Variants in GTF2H5 observed in about 807,000 individuals in gnomAD.
The protein encoded by GTF2H5 is general transcription factor IIH subunit 5, also known as TFB5 ortholog.
A neutral mutation model predicts 7.1 loss-of-function variants in GTF2H5; 5 were observed. The observed-to-expected ratio is 0.71, with a 90% confidence interval of 0.37 to 1.49. GTF2H5 has a LOEUF of 1.49. GTF2H5 is among the 40% of genes most tolerant of loss of function. The pLI is 0.03. For synonymous variants in GTF2H5, 30 were observed against 31.7 expected (o/e 0.95, Z 0.18); for missense variants, 80 against 83.0 (o/e 0.96, Z 0.14).
intron 2 of GTF2H5, among the ~76,000 whole-genome samples, chr6:158,177,407 A>G (rs1048447529): frequency 2.0e-5 from 3 of 152,188 alleles, no homozygotes; most frequent in Non-Finnish European, 4.4e-5. Context: ...TTTATCCACA[A>G]ATGCAAGGGA....
At chr6:158,178,324 A>C (rs1266053220) in intron 2 of GTF2H5, among the ~76,000 whole-genome samples, 2 of 152,094 alleles carry the variant, frequency 1.3e-5, no homozygotes, top group African/African-American at 4.8e-5. Context: ...GTCTCTATTA[A>C]AATTAGCCAG....
In GTF2H5 at chr6:158,198,407, A is replaced by G. The variant is rs924272892; in HGVS notation, c.*6250A>G. 1 of 152,206 alleles carries G rather than the reference A, an allele frequency of 6.6e-6. No individual in the cohort carries two copies. Among genetic ancestry groups the G allele is most frequent in the African/African-American group, 2.4e-5 (1 of 41,440 alleles). The allele number at this position is 152,206 out of a possible 1,614,324, so 9.4% of individuals were successfully genotyped here. On this transcript the variant is annotated 3_prime_UTR_variant, in exon 3 of 3. Transcript: ENST00000607778. ...GGCTATTTTTTCACTGTCCTCAGAC[A>G]TTTACTGAGTCCAGTTTGGACTTTA...
At chr6:158,188,151 G>A (rs755390603) in intron 2 of GTF2H5, among the ~76,000 whole-genome samples, 7 of 152,190 alleles carry the variant, frequency 4.6e-5, no homozygotes, top group Non-Finnish European at 8.8e-5. Flanking sequence ...CCTGGAGAGT[G>A]AAGTGGGCAC....
At chr6:158,169,438 T>TAC (rs1785731184) in intron 1 of GTF2H5, among the ~76,000 whole-genome samples, 1 of 63,162 alleles carries the variant, frequency 1.6e-5, no homozygotes. Context: ...TATTGTATAT[T>TAC]ATATATATTA....
intron 2 of GTF2H5, among the ~76,000 whole-genome samples, chr6:158,179,278 G>A (rs900440077): frequency 3.2e-4 from 49 of 152,292 alleles, no homozygotes; most frequent in African/African-American, 9.1e-4. Context: ...GTCAGGTAGC[G>A]TGATGCCTCT....
chr6:158,174,879 AGAAG>A (rs1785906731), intron 2 of GTF2H5, among the ~76,000 whole-genome samples: 1 of 152,206 alleles, frequency 6.6e-6, no homozygotes, highest in South Asian at 2.1e-4. Context: ...AAGCGAAGTA[AGAAG>A]TATGGCAAAA....
intron 2 of GTF2H5, among the ~76,000 whole-genome samples, chr6:158,181,116 A>G (rs1786004435): frequency 6.6e-6 from 1 of 151,900 alleles, no homozygotes; most frequent in African/African-American, 2.4e-5. Flanking sequence ...TTTCTGCGTT[A>G]ATTTTGTTAT....
chr6:158,190,029 G>T (rs989739678), intron 2 of GTF2H5, among the ~76,000 whole-genome samples: 4 of 151,766 alleles, frequency 2.6e-5, no homozygotes, highest in African/African-American at 9.7e-5. Flanking sequence ...CTTCACTCAG[G>T]GGCCAGTAGG....
chr6:158,186,153 A>C (rs775308046), intron 2 of GTF2H5, among the ~76,000 whole-genome samples: 1 of 152,236 alleles, frequency 6.6e-6, no homozygotes, highest in Non-Finnish European at 1.5e-5. Flanking sequence ...TGCAACAGAG[A>C]TGTTACAAGA....
At chr6:158,174,578 C>T (rs1462898211) in intron 2 of GTF2H5, among the ~76,000 whole-genome samples, 1 of 152,172 alleles carries the variant, frequency 6.6e-6, no homozygotes. Context: ...TGGGATCCAC[C>T]ATCAATTGCC....
intron 2 of GTF2H5, among the ~76,000 whole-genome samples, chr6:158,188,164 C>T (rs1488613461): frequency 2.0e-5 from 3 of 152,154 alleles, no homozygotes; most frequent in Non-Finnish European, 2.9e-5. Context: ...GTGGGCACCA[C>T]GGTCATATGA....
intron 2 of GTF2H5, among the ~76,000 whole-genome samples, chr6:158,187,471 G>T (rs1776949595): frequency 6.6e-6 from 1 of 152,154 alleles, no homozygotes; most frequent in African/African-American, 2.4e-5. Flanking sequence ...TTCTTTCAGG[G>T]CCTGCCATCT....
chr6:158,190,649 A>AG, intron 2 of GTF2H5: 1 of 477,970 alleles, frequency 2.1e-6, no homozygotes, highest in Non-Finnish European at 4.2e-6. Flanking sequence ...TGTTAGCATC[A>AG]GTTAATACCT....
At chr6:158,182,235 G>A (rs1786020651) in intron 2 of GTF2H5, among the ~76,000 whole-genome samples, 2 of 152,234 alleles carry the variant, frequency 1.3e-5, no homozygotes, top group Admixed American at 1.3e-4. Context: ...GGTTTATGCG[G>A]AGCGATCCGC....
chr6:158,173,580 A>G (rs1785886498), intron 2 of GTF2H5, among the ~76,000 whole-genome samples: 1 of 152,180 alleles, frequency 6.6e-6, no homozygotes, highest in African/African-American at 2.4e-5. Flanking sequence ...GTATTGGAGT[A>G]TGGAATTTGA....
intron 2 of GTF2H5, among the ~76,000 whole-genome samples, chr6:158,188,801 T>TC (rs1176445409): frequency 1.3e-5 from 2 of 152,180 alleles, no homozygotes; most frequent in Admixed American, 6.5e-5. Context: ...GTCAGTGTCA[T>TC]CCCGGAGATC....
intron 2 of GTF2H5, among the ~76,000 whole-genome samples, chr6:158,175,349 G>A (rs1261714925): frequency 6.6e-6 from 1 of 152,124 alleles, no homozygotes; most frequent in Non-Finnish European, 1.5e-5. Context: ...CTTTTAAAAA[G>A]CAAGCACCCC....
chr6:158,190,961 C>A, intron 2 of GTF2H5: 1 of 512,240 alleles, frequency 2.0e-6, no homozygotes, highest in South Asian at 1.4e-5. Flanking sequence ...TCCCTCTTTT[C>A]CCTTATGACT....
At chr6:158,169,775 A>G (rs1583626238) in intron 1 of GTF2H5, among the ~76,000 whole-genome samples, 1 of 110,286 alleles carries the variant, frequency 9.1e-6, no homozygotes, top group Admixed American at 1.3e-4. Context: ...TATATATAAT[A>G]TATTGTATAT....
Sources: allele counts gnomAD v4.1 joint callset (sites outside exome capture counted in the v4.1 genomes callset), GRCh38; gene constraint gnomAD v4.1.1; transcripts MANE v1.5; gene names NCBI Gene and HGNC (gene_info 2026-07-23, HGNC 2026-07-21).